SH2D3A: variants seen among roughly 807,000 people sequenced by gnomAD.
SH2D3A encodes SH2 domain containing 3A, also known as SH2 domain-containing protein 3A.
Under a neutral mutation model 50.6 loss-of-function variants are expected in SH2D3A, and 46 were observed. The ratio of observed to expected loss-of-function variants is 0.91; its 90% CI spans 0.72 to 1.16. The LOEUF is 1.16. Ranked by LOEUF, SH2D3A falls within the 50% of genes most tolerant of loss-of-function variation. SH2D3A has a pLI of 0.00. For synonymous variants in SH2D3A, 377 were observed against 348.4 expected (o/e 1.08, Z -0.91); for missense variants, 783 against 786.2 (o/e 1.00, Z 0.05).
chr19:6,760,600 G>A (rs1969956244), intron 3 of SH2D3A, 38 bp downstream of exon 3: 4 of 1,467,056 alleles, frequency 2.7e-6, no homozygotes, highest in Non-Finnish European at 3.6e-6. Flanking sequence ...CCCTGCGAGT[G>A]TTGGGTGTTC....
At chr19:6,753,327 C>T (rs2145568673) in intron 9 of SH2D3A, 129 bp downstream of exon 9, 4 of 1,397,704 alleles carry the variant, frequency 2.9e-6, no homozygotes, top group African/African-American at 2.9e-5. Context: ...TGGAGCCGTC[C>T]CAGTTTGGGT....
At chr19:6,761,965 C>CAAAAAAAAAAAAA (rs759411762) in intron 2 of SH2D3A, among the ~76,000 whole-genome samples, 13 of 101,590 alleles carry the variant, frequency 1.3e-4, no homozygotes, top group African/African-American at 3.2e-4. Context: ...AAAAAAAAAA[C>CAAAAAAAAAAAAA]AAAAAAAAAA....
intron 9 of SH2D3A, chr19:6,753,195 G>T (rs1244683155): frequency 3.5e-5 from 34 of 985,174 alleles, no homozygotes; most frequent in Non-Finnish European, 3.9e-5. Context: ...TAGGTGGGAA[G>T]GGGGAGTGGG....
intron 2 of SH2D3A, 107 bp downstream of exon 2, chr19:6,763,573 C>T: frequency 2.1e-6 from 2 of 968,038 alleles, no homozygotes; most frequent in Non-Finnish European, 3.1e-6. Flanking sequence ...GCCACCTGTC[C>T]CAATAGACCT....
rs548861462 is a variant in SH2D3A at position 6,755,279 on chromosome 19, G to C, written c.533C>G (p.Thr178Arg). The part of the protein sequence containing the change: ...STMPISALPR[T>R]SSDPVLLKAP... The stretch of plus-strand genomic sequence containing the variant: ...CTTCAGCAACACCGGGTCACTGCTC[G>C]TTCGGGGCAAGGCAGATATGGGCAT... The change falls in exon 5 of 10, where the codon ACG becomes AGG. Residue 178 changes from threonine (T) to arginine (R), a missense_variant. Transcript: ENST00000245908. 5.9e-6 allele frequency: 9 copies of C among 1,521,140 alleles called. No homozygotes were observed. The South Asian group carries it at 1.2e-4, about 20-fold the overall frequency. 94.2% of individuals were successfully genotyped at this position (1,521,140 alleles called of 1,614,324 possible).
intron 1 of SH2D3A, among the ~76,000 whole-genome samples, chr19:6,764,850 C>T (rs1051252594): frequency 3.4e-5 from 5 of 146,644 alleles, no homozygotes; most frequent in Admixed American, 6.8e-5. Context: ...GGACTATGAG[C>T]GTGGGCCACT....
chr19:6,755,626 C>T (rs556546233), intron 4 of SH2D3A, among the ~76,000 whole-genome samples: 1 of 151,240 alleles, frequency 6.6e-6, no homozygotes, highest in Admixed American at 6.6e-5. Context: ...TAGTCTCAAG[C>T]AATCCTCCCT....
intron 4 of SH2D3A, among the ~76,000 whole-genome samples, chr19:6,756,636 CT>C (rs1969696748): frequency 6.6e-6 from 1 of 152,068 alleles, no homozygotes; most frequent in African/African-American, 2.4e-5. Context: ...TAAAACTGTA[CT>C]AAGACTTTTG....
Position 6,754,342 on chromosome 19 carries a change from C to A in SH2D3A, c.1181G>T (p.Gly394Val). Residue 394 changes from glycine to valine, a missense_variant, in exon 7 of 10, where the codon GGA becomes GTA. Transcript: ENST00000245908. ...PLEERAAALR[G>V]LVELALALRP... ...CAGCGCCAGCGCCAGCTCTACCAGT[C>A]CCCTCAGTGCGGCTGCGCGCTCCTC... 6.4e-7 allele frequency: 1 copy of A among 1,574,530 alleles called. No individual in the cohort carries two copies. Among genetic ancestry groups the A allele is most frequent in the East Asian group, 2.3e-5 (1 of 43,886 alleles).
rs979214625 is a variant in SH2D3A at position 6,754,404 on chromosome 19, G to C, written c.1119C>G (p.Ala373=). Residue 373 remains alanine, a synonymous_variant, in exon 7 of 10, where the codon GCC becomes GCG. Coordinates refer to ENST00000245908, the MANE Select transcript of SH2D3A (RefSeq NM_005490.3). ...AGCAGCCCAGCACCGCCAGCGCCCC[G>C]GCCAGCGCCAGTGTCTGATGCCTGC... ...LLERHQTLAL[A]GALAVLGCSG... 6.6e-7 allele frequency: 1 copy of C among 1,525,058 alleles called. No individual in the cohort carries two copies. The highest frequency in any genetic ancestry group is 1.4e-5 in the African/African-American group (1 of 72,848). The allele number at this position is 1,525,058 out of a possible 1,614,324, so 94.5% of individuals were successfully genotyped here.
rs1417247445 is a variant in SH2D3A at position 6,752,646 on chromosome 19, T to A, written c.1678A>T (p.Lys560Ter). Residue 560 changes from lysine (K) to a stop codon, truncating the protein, a stop_gained, in exon 10 of 10, where the codon AAG becomes TAG. Coordinates refer to ENST00000245908, the MANE Select transcript of SH2D3A (RefSeq NM_005490.3). LOFTEE classifies it high-confidence loss of function. The part of the protein sequence containing the change: ...AGAPRAERFE[K>*]FQRVLGVLSQ... ...AGGACGCCGAGGACGCGCTGGAACT[T>A]CTCAAAGCGTTCAGCGCGCGGAGCT... is the stretch of plus-strand genomic sequence containing the variant. 2 of 1,558,994 alleles carry A rather than the reference T, an allele frequency of 1.3e-6. No individual in the cohort carries two copies. The highest frequency in any genetic ancestry group is 4.8e-5 in the East Asian group (2 of 41,748).
At chr19:6,767,319 C>G (rs550110607) in intron 1 of SH2D3A, 68 bp downstream of exon 1, 2 of 152,432 alleles carry the variant, frequency 1.3e-5, no homozygotes, top group African/African-American at 4.8e-5. Flanking sequence ...CCGGTGACCC[C>G]ACCTGGAAAG....
chr19:6,754,842 C>A lies in SH2D3A; in HGVS notation c.970G>T (p.Val324Leu). 1 of 1,603,016 alleles carries A rather than the reference C, an allele frequency of 6.2e-7. No homozygotes were observed. Among genetic ancestry groups the A allele is most frequent in the East Asian group, 2.2e-5 (1 of 44,750 alleles). Reference sequence around the variant, plus strand: ...AGGAGGTGACCCACCTGGCAGTCTACCAATAGCAGGTGAAGGGCGGTGCTC... The same window carrying A: ...AGGAGGTGACCCACCTGGCAGTCTAACAATAGCAGGTGAAGGGCGGTGCTC... ...PGSTALHLLL[V>L]DCQATGLLGV... The change falls in exon 5 of 10, where the codon GTA becomes TTA. Residue 324 changes from valine (V) to leucine (L), a missense_variant. By Grantham distance (32) the Val-to-Leu change is conservative. Transcript: ENST00000245908.
At chr19:6,754,498 G>A (rs1969529019) in intron 6 of SH2D3A, 73 bp from the exon 7 acceptor site, 9 of 1,548,288 alleles carry the variant, frequency 5.8e-6, no homozygotes, top group Non-Finnish European at 7.0e-6. Flanking sequence ...GGGACAGGAG[G>A]TGGCATTGCC....
In SH2D3A at chr19:6,753,579, C is replaced by T. The variant is rs988082584; in HGVS notation, c.1447G>A (p.Gly483Ser). 3.8e-6 allele frequency: 6 copies of T among 1,587,310 alleles called. No homozygotes were observed. Among genetic ancestry groups the T allele is most frequent in the African/African-American group, 1.3e-5 (1 of 74,498 alleles). ...HVAPMVRLLE[G>S]EEVAGPLDES... ...TCCAGCGGCCCCGCGACTTCCTCGCCCTCCAGTAGGCGAACCATGGGTGCC... is the reference window on the plus strand; with the variant it reads ...TCCAGCGGCCCCGCGACTTCCTCGCTCTCCAGTAGGCGAACCATGGGTGCC... The change falls in exon 9 of 10, where the codon GGC (glycine) becomes AGC (serine). Residue 483 changes from glycine (G) to serine (S), a missense_variant. Coordinates refer to ENST00000245908, the MANE Select transcript of SH2D3A (RefSeq NM_005490.3).
At chr19:6,764,961 T>G (rs1970231423) in intron 1 of SH2D3A, among the ~76,000 whole-genome samples, 1 of 150,026 alleles carries the variant, frequency 6.7e-6, no homozygotes, top group Non-Finnish European at 1.5e-5. Flanking sequence ...CATTGCAACT[T>G]CCGCCTGCTG....
In SH2D3A at chr19:6,760,858, G is replaced by C; in HGVS notation, c.199C>G (p.Leu67Val). ...ALHFEVFRVA[L>V]RPRPGRPTAL... The stretch of plus-strand genomic sequence containing the variant: ...GTGGGTCGGCCTGGCCGGGGACGCA[G>C]GGCCACACGGAACACCTCAAAATGG... Residue 67 changes from leucine (L) to valine (V), a missense_variant, in exon 3 of 10, where the codon CTG (leucine) becomes GTG (valine). Transcript: ENST00000245908. 1 of 1,614,260 alleles carries C rather than the reference G, an allele frequency of 6.2e-7. No individual in the cohort carries two copies. The highest frequency in any genetic ancestry group is 8.5e-7 in the Non-Finnish European group (1 of 1,180,044).
At chr19:6,753,992 G>A in intron 8 of SH2D3A, 60 bp downstream of exon 8, 2 of 1,502,684 alleles carry the variant, frequency 1.3e-6, no homozygotes, top group Admixed American at 2.1e-5. Context: ...GGACTAGATT[G>A]AGTCCTGTTA....
At chr19:6,753,716 A>C in intron 8 of SH2D3A, 75 bp from the exon 9 acceptor site, 1 of 1,380,716 alleles carries the variant, frequency 7.2e-7, no homozygotes. Context: ...CCTAGGACAA[A>C]TGCAGGGGCG....
Sources: allele counts gnomAD v4.1 joint callset (sites outside exome capture counted in the v4.1 genomes callset), GRCh38; gene constraint gnomAD v4.1.1; transcripts MANE v1.5; gene names NCBI Gene and HGNC (gene_info 2026-07-23, HGNC 2026-07-21).